The following DLG2 variants were observed in gnomAD, a reference collection of about 807,000 sequenced individuals.
The protein encoded by DLG2 is disks large homolog 2.
In DLG2, 45 loss-of-function variants were observed where a neutral mutation model predicts 132.5. That is an observed-to-expected ratio of 0.34 (90% confidence interval 0.27 to 0.44). The LOEUF is 0.44. DLG2 is among the 20% of genes least tolerant of loss of function. The pLI, the probability that DLG2 is intolerant of heterozygous loss-of-function variation, is 1.00. For missense variants in DLG2, 1,045 were observed against 1,196.9 expected (o/e 0.87, Z 1.87); for synonymous variants, 424 against 419.6 (o/e 1.01, Z -0.13).
chr11:85,265,157 A>G (rs911819751), intron 4 of DLG2, among the ~76,000 whole-genome samples: 1 of 152,176 alleles, frequency 6.6e-6, no homozygotes, highest in Non-Finnish European at 1.5e-5. Context: ...CTTTCCTATC[A>G]TATGGACAAA....
At chr11:85,614,468 C>T (rs2081211285) in intron 2 of DLG2, among the ~76,000 whole-genome samples, 1 of 152,010 alleles carries the variant, frequency 6.6e-6, no homozygotes, top group Admixed American at 6.6e-5. Flanking sequence ...TGGAGAAACC[C>T]CGTTTTTACT....
intron 3 of DLG2, among the ~76,000 whole-genome samples, chr11:85,513,739 T>C (rs1219375871): frequency 6.6e-6 from 1 of 151,922 alleles, no homozygotes; most frequent in Non-Finnish European, 1.5e-5. Context: ...CTTGCTGTCA[T>C]GCCATTAGAA....
chr11:85,545,640 C>T (rs2076265673), intron 3 of DLG2, among the ~76,000 whole-genome samples: 1 of 152,068 alleles, frequency 6.6e-6, no homozygotes, highest in Non-Finnish European at 1.5e-5. Flanking sequence ...GGTTGGTAGG[C>T]TATTAATTGC....
intron 3 of DLG2, among the ~76,000 whole-genome samples, chr11:85,398,446 G>C (rs556682900): frequency 7.2e-5 from 11 of 151,832 alleles, no homozygotes; most frequent in African/African-American, 2.7e-4. Context: ...AACTGAAGGA[G>C]ACAGAGACAC....
intron 3 of DLG2, among the ~76,000 whole-genome samples, chr11:85,349,885 T>C (rs1319970523): frequency 2.0e-5 from 3 of 151,650 alleles, no homozygotes; most frequent in East Asian, 3.8e-4. Context: ...TGTGCACGTG[T>C]CTTTATAGTA....
chr11:84,420,348 C>G (rs2098944508), intron 7 of DLG2, among the ~76,000 whole-genome samples: 1 of 152,162 alleles, frequency 6.6e-6, no homozygotes, highest in Admixed American at 6.5e-5. Flanking sequence ...TTCCCCCACT[C>G]TGAATGGAAA....
rs113089156 is a variant in DLG2, at chr11:84,782,811, T to C, written c.358-248080A>G. Among the ~76,000 whole-genome samples the C allele has an allele frequency of 1.4e-3, 219 of 152,292 alleles. 4 individuals are homozygous for C. The highest frequency in any genetic ancestry group is 5.1e-3 in the African/African-American group (210 of 41,564). ...ACACTTACAGTCCTACATGGTCCTA[T>C]ATAGTTATTTTGGATCTGTCATTGA... is the stretch of plus-strand genomic sequence containing the variant. On this transcript the variant is annotated intron_variant, in intron 6 of 27. Coordinates refer to ENST00000376104, the MANE Select transcript of DLG2 (RefSeq NM_001142699.3).
chr11:84,170,927 C>T (rs2095805102), intron 8 of DLG2, among the ~76,000 whole-genome samples: 1 of 152,096 alleles, frequency 6.6e-6, no homozygotes, highest in Admixed American at 6.6e-5. Context: ...ACTGGCAACC[C>T]ATAATTTTGC....
intron 9 of DLG2, among the ~76,000 whole-genome samples, chr11:84,144,111 G>A (rs2094971623): frequency 6.6e-6 from 1 of 152,104 alleles, no homozygotes; most frequent in East Asian, 1.9e-4. Flanking sequence ...AAAATTTCAT[G>A]ACCTGCTATG....
intron 3 of DLG2, among the ~76,000 whole-genome samples, chr11:85,315,288 A>G (rs982453126): frequency 7.2e-5 from 11 of 151,978 alleles, no homozygotes; most frequent in African/African-American, 2.2e-4. Context: ...GTCCTGTCTT[A>G]GCATGAGCCA....
intron 6 of DLG2, among the ~76,000 whole-genome samples, chr11:85,015,871 A>C (rs1452672853): frequency 6.6e-6 from 1 of 152,170 alleles, no homozygotes. Context: ...ATGGTAACTT[A>C]TCTCATAGAA....
chr11:85,231,624 A>G (rs2075305208), intron 4 of DLG2, among the ~76,000 whole-genome samples: 1 of 151,912 alleles, frequency 6.6e-6, no homozygotes, highest in Non-Finnish European at 1.5e-5. Context: ...TAGATGCTAC[A>G]TTGTTGACAT....
At chr11:83,788,041 A>G (rs1259349938) in intron 17 of DLG2, among the ~76,000 whole-genome samples, 1 of 152,216 alleles carries the variant, frequency 6.6e-6, no homozygotes, top group Non-Finnish European at 1.5e-5. Flanking sequence ...CTTTTTGCAG[A>G]TGATAGCAGA....
chr11:85,033,518 T>A (rs1196746722), intron 6 of DLG2, among the ~76,000 whole-genome samples: 4 of 152,228 alleles, frequency 2.6e-5, no homozygotes, highest in Non-Finnish European at 5.9e-5. Context: ...TTGAGATTTA[T>A]CTCATCGCCA....
At chr11:85,103,539 C>T (rs889660456) in intron 6 of DLG2, among the ~76,000 whole-genome samples, 2 of 151,920 alleles carry the variant, frequency 1.3e-5, no homozygotes, top group Admixed American at 6.6e-5. Flanking sequence ...TGCTGCGACA[C>T]TTGGATATCC....
intron 7 of DLG2, among the ~76,000 whole-genome samples, chr11:84,266,536 C>T (rs1239750627): frequency 2.6e-5 from 4 of 152,012 alleles, no homozygotes; most frequent in African/African-American, 7.3e-5. Context: ...AAATGCAAAG[C>T]AAGGTTAAGA....
intron 6 of DLG2, among the ~76,000 whole-genome samples, chr11:84,875,768 C>T (rs920776301): frequency 5.3e-5 from 8 of 151,908 alleles, no homozygotes; most frequent in African/African-American, 1.7e-4. Flanking sequence ...TGGAGTTTCA[C>T]TTTTGTCGCC....
At chr11:84,737,496 A>AAGAGAG (rs1475694473) in intron 6 of DLG2, among the ~76,000 whole-genome samples, 15 of 123,594 alleles carry the variant, frequency 1.2e-4, no homozygotes, top group African/African-American at 2.8e-4. Flanking sequence ...GAGAGAAAGA[A>AAGAGAG]AGAGACAGAG....
intron 18 of DLG2, among the ~76,000 whole-genome samples, chr11:83,741,072 G>A (rs2092469788): frequency 6.6e-6 from 1 of 152,134 alleles, no homozygotes; most frequent in African/African-American, 2.4e-5. Context: ...CTTAATAGAT[G>A]CAGAAAAAGC....
Sources: gnomAD v4.1 joint callset for allele counts (sites outside exome capture counted in the v4.1 genomes callset) on GRCh38, gnomAD v4.1.1 for gene constraint, MANE v1.5 for transcripts, NCBI Gene and HGNC (gene_info 2026-07-23, HGNC 2026-07-21) for gene names.